Variants in COL21A1 observed in about 807,000 individuals in gnomAD.
COL21A1 encodes the protein collagen alpha-1(XXI) chain.
COL21A1 carries 149 observed loss-of-function variants against 137.9 expected under a neutral mutation model. That is an observed-to-expected ratio of 1.08 (90% CI 0.95 to 1.24). The LOEUF (loss-of-function observed/expected upper bound fraction) is 1.24, where lower values mean the gene tolerates loss of function less well. Ranked by LOEUF, COL21A1 falls within the 50% of genes most tolerant of loss-of-function variation. The pLI is 0.00. For synonymous variants in COL21A1, 456 were observed against 391.5 expected (o/e 1.16, Z -1.95); for missense variants, 1,167 against 1,158.4 (o/e 1.01, Z -0.11).
At chr6:56,075,416 T>C in intron 19 of COL21A1, 63 bp downstream of exon 19, 1 of 1,276,492 alleles carries the variant, frequency 7.8e-7, no homozygotes, top group Non-Finnish European at 1.1e-6. Context: ...GAATATGAAC[T>C]CCTAGTAGGT....
At chr6:56,249,101 T>C (rs1289910474), upstream of COL21A1, among the ~76,000 whole-genome samples, 2 of 152,194 alleles carry the variant, frequency 1.3e-5, no homozygotes, top group African/African-American at 2.4e-5. Context: ...GATCTACTAA[T>C]GGCCAATGAG....
chr6:56,359,737 T>C (rs1336542882), intron 1 of COL21A1, among the ~76,000 whole-genome samples: 1 of 152,172 alleles, frequency 6.6e-6, no homozygotes, highest in Admixed American at 6.5e-5. Context: ...AAGTAGTGCA[T>C]TAAATTAAAC....
At chr6:56,231,217 C>T (rs917327633) in intron 1 of COL21A1, 6 of 151,688 alleles carry the variant, frequency 4.0e-5, no homozygotes, top group Admixed American at 6.6e-5. Context: ...TTTAAAAGAA[C>T]GGAAAATAAA....
intron 17 of COL21A1, among the ~76,000 whole-genome samples, chr6:56,085,062 A>T (rs1582285942): frequency 6.6e-6 from 1 of 152,178 alleles, no homozygotes; most frequent in East Asian, 1.9e-4. Context: ...GGAATTCGAC[A>T]TTTGGCAAAA....
At chr6:56,265,028 A>G (rs576726224) in intron 1 of COL21A1, among the ~76,000 whole-genome samples, 1 of 152,206 alleles carries the variant, frequency 6.6e-6, no homozygotes, top group Non-Finnish European at 1.5e-5. Flanking sequence ...AGATACCAAG[A>G]TCTCATTTCA....
chr6:56,305,237 T>C (rs1171171619), intron 1 of COL21A1, among the ~76,000 whole-genome samples: 1 of 152,166 alleles, frequency 6.6e-6, no homozygotes, highest in Admixed American at 6.5e-5. Flanking sequence ...GTTCTGTAGA[T>C]GTCTATTAGG....
At chr6:56,281,726 T>A (rs1025421188) in intron 1 of COL21A1, among the ~76,000 whole-genome samples, 1 of 152,154 alleles carries the variant, frequency 6.6e-6, no homozygotes, top group South Asian at 2.1e-4. Flanking sequence ...AGATCTCAGT[T>A]TGAAAAATTA....
At chr6:56,201,492 G>A (rs1779404530) in intron 1 of COL21A1, among the ~76,000 whole-genome samples, 1 of 152,114 alleles carries the variant, frequency 6.6e-6, no homozygotes, top group African/African-American at 2.4e-5. Flanking sequence ...TAAGGTGTAA[G>A]AAAGGGATCC....
At chr6:56,190,365 C>T (rs534100400) in intron 1 of COL21A1, among the ~76,000 whole-genome samples, 1 of 152,170 alleles carries the variant, frequency 6.6e-6, no homozygotes, top group Non-Finnish European at 1.5e-5. Context: ...TTCCTGGACA[C>T]ATACACCCTC....
chr6:56,115,037 A>C (rs1771794523), intron 16 of COL21A1, among the ~76,000 whole-genome samples: 1 of 152,056 alleles, frequency 6.6e-6, no homozygotes, highest in Non-Finnish European at 1.5e-5. Flanking sequence ...CATTCTCAGT[A>C]AACTATCGCA....
intron 1 of COL21A1, among the ~76,000 whole-genome samples, chr6:56,304,902 G>A (rs1764403551): frequency 6.6e-6 from 1 of 152,198 alleles, no homozygotes; most frequent in Non-Finnish European, 1.5e-5. Flanking sequence ...ACACTGCTTT[G>A]AATGTGTCCC....
intron 1 of COL21A1, among the ~76,000 whole-genome samples, chr6:56,330,956 C>G (rs1443554468): frequency 2.6e-5 from 4 of 152,080 alleles, no homozygotes; most frequent in Non-Finnish European, 4.4e-5. Flanking sequence ...ATGCCAACAT[C>G]TGTTGTCATC....
At chr6:56,351,956 A>T (rs1308049289) in intron 1 of COL21A1, among the ~76,000 whole-genome samples, 2 of 152,132 alleles carry the variant, frequency 1.3e-5, no homozygotes, top group African/African-American at 2.4e-5. Flanking sequence ...GGACCAAAAA[A>T]CTCAGTAATC....
chr6:56,172,310 CT>C, intron 3 of COL21A1, among the ~76,000 whole-genome samples: 1 of 152,254 alleles, frequency 6.6e-6, no homozygotes, highest in Admixed American at 6.5e-5. Flanking sequence ...ACAAGGGAAC[CT>C]TGATAAGACT....
At chr6:56,389,334 G>C (rs2094024583) in intron 1 of COL21A1, among the ~76,000 whole-genome samples, 1 of 151,662 alleles carries the variant, frequency 6.6e-6, no homozygotes, top group Admixed American at 6.6e-5. Flanking sequence ...ACTCCAGCCT[G>C]GGCAACAGAG....
intron 12 of COL21A1, among the ~76,000 whole-genome samples, chr6:56,129,822 A>C (rs1306044358): frequency 6.7e-6 from 1 of 148,228 alleles, no homozygotes; most frequent in African/African-American, 2.5e-5. Flanking sequence ...TTACCCAAAC[A>C]GAGGACAAAA....
intron 1 of COL21A1, among the ~76,000 whole-genome samples, chr6:56,231,525 T>C (rs182824582): frequency 6.6e-6 from 1 of 151,968 alleles, no homozygotes; most frequent in East Asian, 1.9e-4. Flanking sequence ...GACTTCAGTA[T>C]CTCCTCTGTA....
intron 1 of COL21A1, among the ~76,000 whole-genome samples, chr6:56,357,287 C>A (rs1372371771): frequency 6.6e-6 from 1 of 152,168 alleles, no homozygotes; most frequent in East Asian, 1.9e-4. Context: ...AATTATGTCT[C>A]CCCATGTCTG....
chr6:56,329,928 A>G (rs1419547494), intron 1 of COL21A1, among the ~76,000 whole-genome samples: 1 of 151,974 alleles, frequency 6.6e-6, no homozygotes, highest in East Asian at 1.9e-4. Flanking sequence ...ACTTTTGAAG[A>G]CTCTTACTAA....
Sources: allele counts gnomAD v4.1 joint callset (sites outside exome capture counted in the v4.1 genomes callset), GRCh38; gene constraint gnomAD v4.1.1; transcripts MANE v1.5; gene names NCBI Gene and HGNC (gene_info 2026-07-23, HGNC 2026-07-21).